Variants in MGST1 observed in about 807,000 individuals in gnomAD.
MGST1 encodes the protein glutathione S-transferase 12.
Under a neutral mutation model 8.9 loss-of-function variants are expected in MGST1, and 5 were observed. That is an observed-to-expected ratio of 0.56 (90% CI 0.29 to 1.19). The LOEUF (loss-of-function observed/expected upper bound fraction) is 1.19, where lower values mean the gene tolerates loss of function less well. MGST1 is among the 50% of genes most tolerant of loss of function. The probability of loss-of-function intolerance (pLI) is 0.08; values close to 1 mark genes in which losing one functional copy is unlikely to be tolerated. For synonymous variants in MGST1, 54 were observed against 67.8 expected (o/e 0.80, Z 1.00); for missense variants, 182 against 187.4 (o/e 0.97, Z 0.17).
chr12:16,541,423 T>G (rs1257743501), intron 4 of MGST1, among the ~76,000 whole-genome samples: 1 of 152,188 alleles, frequency 6.6e-6, no homozygotes, highest in Non-Finnish European at 1.5e-5. Context: ...TGGCTTTCTT[T>G]TTGATCTGTC....
chr12:16,376,157 C>T, exon 4 of MGST1: 1 of 1,242,982 alleles, frequency 8.0e-7, no homozygotes, highest in Non-Finnish European at 1.1e-6. Flanking sequence ...CTTGCCTCTT[C>T]TATATAAAGT....
intron 4 of MGST1, among the ~76,000 whole-genome samples, chr12:16,445,240 A>G (rs1242733120): frequency 6.6e-6 from 1 of 151,540 alleles, no homozygotes; most frequent in Non-Finnish European, 1.5e-5. Context: ...GCTAGTAGGG[A>G]TTGTAATTCC....
At chr12:16,486,248 A>G (rs1174597279) in intron 4 of MGST1, among the ~76,000 whole-genome samples, 1 of 152,216 alleles carries the variant, frequency 6.6e-6, no homozygotes, top group Non-Finnish European at 1.5e-5. Context: ...AATTATTTGT[A>G]TGTCTCTTTA....
intron 4 of MGST1, among the ~76,000 whole-genome samples, chr12:16,541,123 T>C (rs1941790929): frequency 6.6e-6 from 1 of 152,184 alleles, no homozygotes; most frequent in Non-Finnish European, 1.5e-5. Context: ...AAAATCACAA[T>C]ACTTTCATTA....
At chr12:16,444,157 G>T (rs1267353237) in intron 4 of MGST1, among the ~76,000 whole-genome samples, 1 of 151,220 alleles carries the variant, frequency 6.6e-6, no homozygotes, top group African/African-American at 2.4e-5. Flanking sequence ...TGATGACAAA[G>T]GCTGACAGGT....
chr12:16,464,721 C>T (rs1041967490), intron 4 of MGST1, among the ~76,000 whole-genome samples: 13 of 152,308 alleles, frequency 8.5e-5, no homozygotes, highest in African/African-American at 3.1e-4. Flanking sequence ...TTCAATGTTC[C>T]TGAATGGCAT....
chr12:16,393,956 T>A (rs1291384800), intron 1 of MGST1, among the ~76,000 whole-genome samples: 4 of 152,268 alleles, frequency 2.6e-5, no homozygotes, highest in Non-Finnish European at 4.4e-5. Flanking sequence ...TAGTTTTTGC[T>A]ATTATAAATA....
rs949647235 is a variant in MGST1, at chr12:16,559,926, C to T, written n.483-29602C>T. The stretch of plus-strand genomic sequence containing the variant: ...CATGAGCCATGTTAGTGCCACTGCG[C>T]TCTAGGCTGGGTGACAGAACCAGAC... On this transcript the variant is annotated intron_variant and non_coding_transcript_variant, in intron 4 of 4. Coordinates refer to the MGST1 transcript ENST00000538857. This position sits in a 1 kb window ranked among gnomAD's most constrained non-coding sequence, Gnocchi z 4.1. Among the ~76,000 whole-genome samples the T allele has an allele frequency of 6.6e-6, 1 of 152,044 alleles. No homozygotes were observed. The highest frequency in any genetic ancestry group is 1.5e-5 in the Non-Finnish European group (1 of 68,016).
At chr12:16,554,363 A>G (rs1192858941) in intron 4 of MGST1, among the ~76,000 whole-genome samples, 1 of 152,198 alleles carries the variant, frequency 6.6e-6, no homozygotes, top group Non-Finnish European at 1.5e-5. Flanking sequence ...TACAACACTT[A>G]GCTAGGGAGC....
rs144856747 is a variant in MGST1, at chr12:16,356,128, C to T, written c.127-1477C>T. On this transcript the variant is annotated intron_variant, in intron 2 of 3. Coordinates refer to ENST00000396210, the MANE Select transcript of MGST1 (RefSeq NM_020300.5). Reference sequence around the variant, plus strand: ...TCTTCACCTAATTACCTCCCAAAGGCCTCATATCCCAGATACTATCACATC... The same window carrying T: ...TCTTCACCTAATTACCTCCCAAAGGTCTCATATCCCAGATACTATCACATC... 3.3e-5 allele frequency among the ~76,000 whole-genome samples: 5 copies of T among 152,278 alleles called. No homozygotes were observed. In the East Asian group the frequency reaches 5.8e-4, roughly 18 times the overall value.
At chr12:16,414,684 G>A (rs1005753916) in intron 1 of MGST1, among the ~76,000 whole-genome samples, 61 of 151,922 alleles carry the variant, frequency 4.0e-4, no homozygotes, top group African/African-American at 1.5e-3. Flanking sequence ...CAAGCTGCTG[G>A]GATTACAGGT....
chr12:16,391,980 G>C (rs1217623263), intron 1 of MGST1, among the ~76,000 whole-genome samples: 2 of 152,188 alleles, frequency 1.3e-5, no homozygotes, highest in African/African-American at 4.8e-5. Flanking sequence ...AGTTATCTTA[G>C]CCCCATTTAC....
Position 16,362,150 on chromosome 12 carries a change from C to T in MGST1, c.222-1645C>T, listed in dbSNP as rs1297545179. 6.6e-6 allele frequency among the ~76,000 whole-genome samples: 1 copy of T among 152,136 alleles called. No homozygotes were observed. The highest frequency in any genetic ancestry group is 2.4e-5 in the African/African-American group (1 of 41,422). The stretch of plus-strand genomic sequence containing the variant: ...CTCTGTGATGCTGGGGGAGAAATCA[C>T]AGGGGCAAAACAAATACTCTAGGTG... On this transcript the variant is annotated intron_variant, in intron 3 of 3. Transcript: ENST00000396210. The surrounding 1 kb of genome is among the most constrained non-coding windows in gnomAD (Gnocchi z 4.4).
At chr12:16,454,461 A>G (rs1268240775) in intron 4 of MGST1, among the ~76,000 whole-genome samples, 2 of 151,848 alleles carry the variant, frequency 1.3e-5, no homozygotes, top group Non-Finnish European at 1.5e-5. Flanking sequence ...TACTATTTCA[A>G]TTTATCTTTA....
At position 16,413,628 on chromosome 12, in the gene MGST1, T is replaced by C. The variant is rs1405595882; in HGVS notation, n.779-23760T>C. Among the ~76,000 whole-genome samples the C allele has an allele frequency of 6.6e-6, 1 of 152,160 alleles. No individual in the cohort carries two copies. The highest frequency in any genetic ancestry group is 1.5e-5 in the Non-Finnish European group (1 of 68,030). The stretch of plus-strand genomic sequence containing the variant: ...ACTCTCACTTATCCTTATAGATAGA[T>C]CTCAATTTTCTCATTTACCCTTATT... On this transcript the variant is annotated intron_variant and non_coding_transcript_variant, in intron 1 of 1. Transcript: ENST00000359720. The surrounding 1 kb of genome is among the most constrained non-coding windows in gnomAD (Gnocchi z 4.0).
intron 4 of MGST1, among the ~76,000 whole-genome samples, chr12:16,507,867 G>T (rs1385237892): frequency 1.3e-5 from 2 of 152,090 alleles, no homozygotes; most frequent in South Asian, 4.2e-4. Context: ...CACGAGATTT[G>T]GGTGGGGACA....
rs570512814 is a variant in MGST1 at position 16,482,649 on chromosome 12, G to A, written n.482+99045G>A. ...CTGTCTGGAAGAAAAAAAAAAAAGA[G>A]TGAGAACATGTAAAAATGCAAGAAC... On this transcript the variant is annotated intron_variant and non_coding_transcript_variant, in intron 4 of 4. Transcript: ENST00000538857. This position sits in a 1 kb window ranked among gnomAD's most constrained non-coding sequence, Gnocchi z 4.2. Among the ~76,000 whole-genome samples, 1 of 149,764 alleles carries A rather than the reference G, an allele frequency of 6.7e-6. No homozygotes were observed. The highest frequency in any genetic ancestry group is 1.5e-5 in the Non-Finnish European group (1 of 67,116).
At chr12:16,506,963 T>C (rs1362033889) in intron 4 of MGST1, among the ~76,000 whole-genome samples, 3 of 152,226 alleles carry the variant, frequency 2.0e-5, no homozygotes, top group Non-Finnish European at 4.4e-5. Flanking sequence ...CCTTATTTTC[T>C]AGGGGCTCCA....
chr12:16,364,205 T>C lies in MGST1; in HGVS notation c.*164T>C. 2 of 1,292,872 alleles carry C rather than the reference T, an allele frequency of 1.5e-6. No individual in the cohort carries two copies. The highest frequency in any genetic ancestry group is 2.8e-5 in the East Asian group (1 of 36,126). The allele number at this position is 1,292,872 out of a possible 1,614,324, so 80.1% of individuals were successfully genotyped here. A position where few individuals can be genotyped will look rare whatever the true frequency, so the allele number is the denominator to read the frequency against. ...CATTGCCAATATCCTGTATTCTTGT[T>C]TTACATTTGGATTAGAAATTTAACA... On this transcript the variant is annotated 3_prime_UTR_variant, in exon 4 of 4. Coordinates refer to ENST00000396210, the MANE Select transcript of MGST1 (RefSeq NM_020300.5). This position sits in a 1 kb window ranked among gnomAD's most constrained non-coding sequence, Gnocchi z 5.7.
Sources: gnomAD v4.1 joint callset for allele counts (sites outside exome capture counted in the v4.1 genomes callset) on GRCh38, gnomAD v4.1.1 for gene constraint, Gnocchi (gnomAD v3.1) non-coding constraint, MANE v1.5 for transcripts, NCBI Gene and HGNC (gene_info 2026-07-23, HGNC 2026-07-21) for gene names.